The following NCOA7 variants were observed in gnomAD, a reference collection of about 807,000 sequenced individuals.
NCOA7 encodes the protein nuclear receptor coactivator 7, also known as 140 kDa estrogen receptor-associated protein.
Under a neutral mutation model 104.3 loss-of-function variants are expected in NCOA7, and 45 were observed. That is an observed-to-expected ratio of 0.43 (90% CI 0.34 to 0.55). NCOA7 has a LOEUF of 0.55. NCOA7 is among the 20% of genes least tolerant of loss of function. The probability of loss-of-function intolerance (pLI) is 0.02; values close to 1 mark genes in which losing one functional copy is unlikely to be tolerated. For synonymous variants in NCOA7, 398 were observed against 402.3 expected (o/e 0.99, Z 0.13); for missense variants, 1,041 against 1,119.7 (o/e 0.93, Z 1.00).
intron 4 of NCOA7, among the ~76,000 whole-genome samples, chr6:125,877,271 A>C (rs1355752742): frequency 6.6e-6 from 1 of 152,130 alleles, no homozygotes; most frequent in Non-Finnish European, 1.5e-5. Context: ...GATGGGTTTA[A>C]TTCTCCTCCT....
rs576217414 is a variant in NCOA7 at position 125,923,299 on chromosome 6, G to A, written c.2523+465G>A. ...TTGGATGTGATGGAGAGTCAGTCAA[G>A]GCCATAGTGTGTTGTGCCTGAGGGG... On this transcript the variant is annotated intron_variant, in intron 13 of 15. Coordinates refer to ENST00000392477, the MANE Select transcript of NCOA7 (RefSeq NM_181782.5). Among the ~76,000 whole-genome samples, 4 of 152,302 alleles carry A rather than the reference G, an allele frequency of 2.6e-5. No individual in the cohort carries two copies. In the East Asian group the frequency reaches 7.7e-4, roughly 29 times the overall value.
rs1777492241 is a variant in NCOA7 at position 125,815,371 on chromosome 6, A to G, written c.17A>G (p.Glu6Gly). ...TTGTGTATTATGGATACCAAGGAAGAGAAGAAGGAACGGAAACAAAGTTAT... is the reference window on the plus strand; with the variant it reads ...TTGTGTATTATGGATACCAAGGAAGGGAAGAAGGAACGGAAACAAAGTTAT... MDTKE[E>G]KKERKQSYFA... Residue 6 changes from glutamate (E) to glycine (G), a missense_variant, in exon 2 of 16, where the codon GAG (glutamate) becomes GGG (glycine). Around this residue, in one of 2 missense-constraint regions of NCOA7, gnomAD observed 914 missense variants for 942.7 expected, o/e 0.97. Coordinates refer to ENST00000392477, the MANE Select transcript of NCOA7 (RefSeq NM_181782.5). 2 of 1,608,674 alleles carry G rather than the reference A, an allele frequency of 1.2e-6. No homozygotes were observed.
intron 2 of NCOA7, among the ~76,000 whole-genome samples, chr6:125,840,157 T>C (rs994368166): frequency 1.3e-5 from 2 of 152,018 alleles, no homozygotes; most frequent in African/African-American, 4.8e-5. Context: ...TCTGTGTTTA[T>C]GTCTTAGCTT....
chr6:125,898,469 C>G (rs1785226715), intron 10 of NCOA7, among the ~76,000 whole-genome samples: 1 of 152,180 alleles, frequency 6.6e-6, no homozygotes. Flanking sequence ...AATCAGAGAG[C>G]ATTAAGAGAG....
intron 10 of NCOA7, among the ~76,000 whole-genome samples, chr6:125,891,573 A>G (rs1249593053): frequency 6.6e-6 from 1 of 152,210 alleles, no homozygotes; most frequent in African/African-American, 2.4e-5. Flanking sequence ...TAAAAACATC[A>G]TCATCTAGCC....
chr6:125,890,967 T>C (rs1166138671), intron 10 of NCOA7, among the ~76,000 whole-genome samples, 157 bp downstream of exon 10: 4 of 152,234 alleles, frequency 2.6e-5, no homozygotes, highest in Non-Finnish European at 4.4e-5. Context: ...AAAGGGACTT[T>C]CTGCTAAATG....
intron 2 of NCOA7, among the ~76,000 whole-genome samples, chr6:125,834,363 G>T (rs979539924): frequency 6.6e-6 from 1 of 152,104 alleles, no homozygotes; most frequent in Non-Finnish European, 1.5e-5. Context: ...GAAGATTTTT[G>T]TTCATCAGAT....
chr6:125,804,992 G>T (rs1776297364), intron 1 of NCOA7, among the ~76,000 whole-genome samples: 1 of 150,758 alleles, frequency 6.6e-6, no homozygotes, highest in African/African-American at 2.4e-5. Flanking sequence ...TTACTAAAGT[G>T]CATTTAGTAT....
intron 1 of NCOA7, among the ~76,000 whole-genome samples, chr6:125,806,326 G>T (rs1465072130): frequency 6.6e-6 from 1 of 152,250 alleles, no homozygotes; most frequent in East Asian, 1.9e-4. Flanking sequence ...GGATGACAGA[G>T]TGAGACTCCT....
chr6:125,919,246 T>C, intron 11 of NCOA7: 4 of 1,604,772 alleles, frequency 2.5e-6, no homozygotes, highest in African/African-American at 2.7e-5. Context: ...AACTAGATAC[T>C]GAGAAAACAG....
chr6:125,918,081 G>A (rs182397426), intron 11 of NCOA7, among the ~76,000 whole-genome samples: 303 of 152,282 alleles, frequency 2.0e-3, no homozygotes, highest in African/African-American at 6.9e-3. Flanking sequence ...AGAAACAAAA[G>A]GAAAGATGGT....
Position 125,922,688 on chromosome 6 carries a change from C to T in NCOA7, c.2377C>T (p.Arg793Ter), listed in dbSNP as rs112577756. Residue 793 changes from arginine to a stop codon, truncating the protein, a stop_gained, in exon 13 of 16, where the codon CGA (arginine) becomes TGA (stop). Transcript: ENST00000392477. LOFTEE classifies it high-confidence loss of function. ...TCTTCCTTTGGCTTTGTAGCTGGCC[C>T]GACGCCTTCCTGCAAGGGTGCAAGG... ...LENMHIEQLARRLPARVQGYP... is the reference protein window; with the variant it reads ...LENMHIEQLA The T allele has an allele frequency of 4.3e-6, 7 of 1,611,950 alleles. No homozygotes were observed. The highest frequency in any genetic ancestry group is 5.1e-6 in the Non-Finnish European group (6 of 1,179,324).
At chr6:125,822,898 G>A (rs56057142) in intron 2 of NCOA7, among the ~76,000 whole-genome samples, 2,618 of 146,094 alleles carry the variant, frequency 0.018, 60 homozygotes, top group African/African-American at 0.058. Context: ...TTGCTCTACT[G>A]CCCTCCAGCC....
At chr6:125,902,444 A>G (rs779374688) in intron 10 of NCOA7, among the ~76,000 whole-genome samples, 1 of 152,058 alleles carries the variant, frequency 6.6e-6, no homozygotes, top group Non-Finnish European at 1.5e-5. Context: ...TGTTTGACTT[A>G]GAAATGTATG....
At chr6:125,832,121 T>G (rs1374226155) in intron 2 of NCOA7, among the ~76,000 whole-genome samples, 1 of 152,174 alleles carries the variant, frequency 6.6e-6, no homozygotes, top group Non-Finnish European at 1.5e-5. Flanking sequence ...GTATCTCCCT[T>G]TTGATTGACA....
chr6:125,866,213 C>G (rs1034957255), intron 3 of NCOA7, among the ~76,000 whole-genome samples: 1 of 151,702 alleles, frequency 6.6e-6, no homozygotes, highest in Non-Finnish European at 1.5e-5. Context: ...CCTGTAATCC[C>G]AGCTGTTCAG....
chr6:125,882,563 T>A lies in NCOA7; in HGVS notation c.699+12T>A, dbSNP rs955085838. 6.2e-7 allele frequency: 1 copy of A among 1,607,122 alleles called. No homozygotes were observed. The highest frequency in any genetic ancestry group is 2.2e-5 in the East Asian group (1 of 44,706). On this transcript the variant is annotated intron_variant, in intron 7 of 15. Coordinates refer to ENST00000392477, the MANE Select transcript of NCOA7 (RefSeq NM_181782.5). Reference sequence around the variant, plus strand: ...TCACCGATGGAAAGGTATATAGCAATGTAATTTGTTTCCTTTCCTTGAAAT... The same window carrying A: ...TCACCGATGGAAAGGTATATAGCAAAGTAATTTGTTTCCTTTCCTTGAAAT...
At chr6:125,795,929 C>T (rs1171560328) in intron 1 of NCOA7, among the ~76,000 whole-genome samples, 2 of 152,134 alleles carry the variant, frequency 1.3e-5, no homozygotes, top group African/African-American at 4.8e-5. Context: ...TGTGGACCCC[C>T]AAGTTAAACA....
rs751232866 is a variant in NCOA7, at chr6:125,815,364, A to G, written c.10A>G (p.Lys4Glu). 14 of 1,608,368 alleles carry G rather than the reference A, an allele frequency of 8.7e-6. No individual in the cohort carries two copies. The highest frequency in any genetic ancestry group is 1.7e-4 in the Middle Eastern group (1 of 6,058). Residue 4 changes from lysine (K) to glutamate (E), a missense_variant, in exon 2 of 16, where the codon AAG becomes GAG. Around this residue, in one of 2 missense-constraint regions of NCOA7, gnomAD observed 914 missense variants for 942.7 expected, o/e 0.97. Transcript: ENST00000392477. MDT[K>E]EEKKERKQSY... ...CTTTTGATTGTGTATTATGGATACC[A>G]AGGAAGAGAAGAAGGAACGGAAACA...
Sources: allele counts gnomAD v4.1 joint callset (sites outside exome capture counted in the v4.1 genomes callset), GRCh38; gene constraint gnomAD v4.1.1; regional missense constraint gnomAD v4.1.1; transcripts MANE v1.5; gene names NCBI Gene and HGNC (gene_info 2026-07-23, HGNC 2026-07-21).